DPP6: variants seen among roughly 807,000 people sequenced by gnomAD.
DPP6 encodes A-type potassium channel modulatory protein DPP6.
A neutral mutation model predicts 122.6 loss-of-function variants in DPP6; 69 were observed. The ratio of observed to expected loss-of-function variants is 0.56; its 90% CI spans 0.46 to 0.69. The LOEUF is 0.69. Among genes scored for constraint, DPP6 ranks in the 30% least tolerant of loss-of-function variants. DPP6 has a pLI of 0.00. For synonymous variants in DPP6, 418 were observed against 433.1 expected, an observed-to-expected ratio of 0.97 and a Z score of 0.43; for missense variants, 928 against 1,116.9, an observed-to-expected ratio of 0.83 and a Z score of 2.41.
At chr7:154,176,073 G>A (rs1221651959) in intron 1 of DPP6, among the ~76,000 whole-genome samples, 3 of 152,150 alleles carry the variant, frequency 2.0e-5, no homozygotes, top group African/African-American at 7.2e-5. Flanking sequence ...TACATATTTT[G>A]TGTTCATGGA....
intron 7 of DPP6, among the ~76,000 whole-genome samples, chr7:154,727,205 T>C (rs1218779148): frequency 6.6e-6 from 1 of 152,192 alleles, no homozygotes; most frequent in Non-Finnish European, 1.5e-5. Flanking sequence ...GCAGGCTACA[T>C]AGAAAGCATG....
the DPP6 span, among the ~76,000 whole-genome samples, chr7:153,781,491 G>A: frequency 0.072 from 10,935 of 151,958 alleles, 1,203 homozygotes; most frequent in African/African-American, 0.25. Flanking sequence ...TCTTCTGTAG[G>A]AACAGGCACA....
intron 1 of DPP6, among the ~76,000 whole-genome samples, chr7:154,005,502 A>G (rs1797875396): frequency 6.6e-6 from 1 of 151,830 alleles, no homozygotes; most frequent in East Asian, 1.9e-4. Context: ...ATGTGAAGTC[A>G]TTAACATTAA....
chr7:154,010,996 A>G (rs1319164092), intron 1 of DPP6, among the ~76,000 whole-genome samples: 3 of 152,232 alleles, frequency 2.0e-5, no homozygotes, highest in South Asian at 2.1e-4. Flanking sequence ...TCATCTGGGC[A>G]TGGCAGCACC....
At chr7:154,689,588 C>T (rs932272429) in intron 7 of DPP6, among the ~76,000 whole-genome samples, 2 of 151,598 alleles carry the variant, frequency 1.3e-5, no homozygotes, top group African/African-American at 4.9e-5. Flanking sequence ...AGGATTTTTG[C>T]GTCTGTGTTC....
intron 5 of DPP6, among the ~76,000 whole-genome samples, chr7:154,615,004 G>A (rs1403656858): frequency 2.0e-5 from 3 of 152,206 alleles, no homozygotes; most frequent in Non-Finnish European, 2.9e-5. Flanking sequence ...TACGTTGGGC[G>A]CTGTGGTCAG....
the DPP6 span, among the ~76,000 whole-genome samples, chr7:153,817,520 G>C: frequency 1.3e-5 from 2 of 151,620 alleles, no homozygotes; most frequent in African/African-American, 4.8e-5. Flanking sequence ...ACACAGAAAA[G>C]ATAAAAGTCA....
intron 7 of DPP6, among the ~76,000 whole-genome samples, chr7:154,719,679 C>T (rs1024535759): frequency 2.1e-4 from 32 of 152,286 alleles, no homozygotes; most frequent in South Asian, 2.1e-4. Flanking sequence ...CAGGGCCCTC[C>T]GTGGAGGCCA....
chr7:153,773,103 A>G, the DPP6 span, among the ~76,000 whole-genome samples: 1 of 148,364 alleles, frequency 6.7e-6, no homozygotes, highest in African/African-American at 2.4e-5. Context: ...GCATAATGAT[A>G]AACGAGGAAT....
intron 1 of DPP6, among the ~76,000 whole-genome samples, chr7:154,299,284 C>G (rs1350698690): frequency 6.6e-6 from 1 of 152,196 alleles, no homozygotes; most frequent in East Asian, 1.9e-4. Flanking sequence ...GGGACCTCAG[C>G]ATTTAAGTAA....
chr7:154,202,228 TGC>T (rs1563311648), intron 1 of DPP6, among the ~76,000 whole-genome samples: 3,456 of 152,224 alleles, frequency 0.023, 127 homozygotes, highest in African/African-American at 0.078. Flanking sequence ...AGGCTGGCCA[TGC>T]GCTGGGTCTC....
At chr7:154,778,955 TACCATCACCTCCGCTACC>T (rs1397465750) in intron 10 of DPP6, among the ~76,000 whole-genome samples, 2 of 21,364 alleles carry the variant, frequency 9.4e-5, no homozygotes, top group Admixed American at 5.8e-4. Flanking sequence ...CCACCAGCTC[TACCATCACCTCCGCTACC>T]ACCATCACCT....
intron 6 of DPP6, among the ~76,000 whole-genome samples, chr7:154,667,669 G>C (rs1319873427): frequency 6.6e-6 from 1 of 152,188 alleles, no homozygotes; most frequent in African/African-American, 2.4e-5. Context: ...GTTGCAGTGA[G>C]CTGAGGTCTG....
intron 1 of DPP6, among the ~76,000 whole-genome samples, chr7:154,363,581 T>G (rs1811913318): frequency 6.6e-6 from 1 of 152,174 alleles, no homozygotes; most frequent in South Asian, 2.1e-4. Flanking sequence ...GTGGCCCCCA[T>G]GGGTGATTGG....
At chr7:154,325,379 T>G (rs1049983711) in intron 1 of DPP6, among the ~76,000 whole-genome samples, 2 of 152,200 alleles carry the variant, frequency 1.3e-5, no homozygotes, top group African/African-American at 4.8e-5. Context: ...TGACAAAAAA[T>G]ACTTGCTTTC....
At chr7:154,782,229 T>A (rs1375386878) in intron 10 of DPP6, among the ~76,000 whole-genome samples, 1 of 152,210 alleles carries the variant, frequency 6.6e-6, no homozygotes, top group Non-Finnish European at 1.5e-5. Flanking sequence ...TGCTTTAGAA[T>A]AAAGAGAAAT....
intron 1 of DPP6, among the ~76,000 whole-genome samples, chr7:154,419,077 A>G (rs1369548247): frequency 6.6e-6 from 1 of 152,244 alleles, no homozygotes; most frequent in African/African-American, 2.4e-5. Flanking sequence ...GGAATACAAG[A>G]ATTAATGTTC....
At chr7:154,243,708 T>C (rs2150880582) in intron 1 of DPP6, among the ~76,000 whole-genome samples, 1 of 151,708 alleles carries the variant, frequency 6.6e-6, no homozygotes, top group South Asian at 2.1e-4. Context: ...GGCAGGAGAA[T>C]GATGTGAACC....
chr7:153,775,589 A>G, the DPP6 span, among the ~76,000 whole-genome samples: 1 of 152,046 alleles, frequency 6.6e-6, no homozygotes. Flanking sequence ...ACAGGTTGGT[A>G]GAGAAGTCAG....
Sources: gnomAD v4.1 joint callset for allele counts (sites outside exome capture counted in the v4.1 genomes callset) on GRCh38, gnomAD v4.1.1 for gene constraint, MANE v1.5 for transcripts, NCBI Gene and HGNC (gene_info 2026-07-23, HGNC 2026-07-21) for gene names.